The following ADH4 variants were observed in gnomAD, a reference collection of about 807,000 sequenced individuals.
The protein encoded by ADH4 is alcohol dehydrogenase 4 (class II), pi polypeptide.
A neutral mutation model predicts 35.2 loss-of-function variants in ADH4; 31 were observed. The observed-to-expected ratio is 0.88, with a 90% CI of 0.66 to 1.19. The LOEUF (loss-of-function observed/expected upper bound fraction) is 1.19. ADH4 is among the 50% of genes most tolerant of loss of function. The pLI, the probability that ADH4 is intolerant of heterozygous loss-of-function variation, is 0.00. For missense variants in ADH4, 476 were observed against 458.3 expected (o/e 1.04, Z -0.35); for synonymous variants, 171 against 160.2 (o/e 1.07, Z -0.51).
chr4:99,132,504 C>T (rs1008971702), intron 5 of ADH4, among the ~76,000 whole-genome samples: 2 of 121,014 alleles, frequency 1.7e-5, no homozygotes, highest in African/African-American at 6.4e-5. Flanking sequence ...AATTTATAAC[C>T]TGCCTTGATT....
chr4:99,131,583 G>A lies in ADH4; in HGVS notation c.764C>T (p.Pro255Leu), dbSNP rs772107528. The A allele has an allele frequency of 6.8e-6, 11 of 1,613,974 alleles. No homozygotes were observed. In the East Asian group the frequency reaches 1.3e-4, roughly 20 times the overall value. ...CAATTCAATGATAACTTCCTGGATC[G>A]GTTTATGTAAGTCTCTAGGATTGAG... is the stretch of plus-strand genomic sequence containing the variant. ...DCLNPRDLHK[P>L]IQEVIIELTK... Residue 255 changes from proline (P) to leucine (L), a missense_variant, in exon 6 of 9, where the codon CCG becomes CTG. Transcript: ENST00000265512.
chr4:99,128,377 G>C (rs28987098), intron 6 of ADH4, among the ~76,000 whole-genome samples: 2 of 152,026 alleles, frequency 1.3e-5, no homozygotes, highest in African/African-American at 4.8e-5. Context: ...TGGAGGTTGC[G>C]GTGAGCCAAA....
chr4:99,138,672 C>A (rs1729518924), intron 4 of ADH4, among the ~76,000 whole-genome samples: 1 of 152,172 alleles, frequency 6.6e-6, no homozygotes, highest in Admixed American at 6.5e-5. Context: ...GTATATGACA[C>A]TTTACTAAAT....
At chr4:99,124,745 C>T (rs528715182) in intron 8 of ADH4, among the ~76,000 whole-genome samples, 1 of 152,166 alleles carries the variant, frequency 6.6e-6, no homozygotes, top group Admixed American at 6.5e-5. Context: ...TTAGAATGTA[C>T]CAAGGAGGGA....
chr4:99,126,546 T>C, intron 8 of ADH4, 48 bp downstream of exon 8: 2 of 1,526,252 alleles, frequency 1.3e-6, no homozygotes, highest in Non-Finnish European at 1.8e-6. Flanking sequence ...GAAGATAGAA[T>C]CATTGTAAAC....
Position 99,126,721 on chromosome 4 carries a change from C to T in ADH4, c.991G>A (p.Val331Ile). 6.2e-7 allele frequency: 1 copy of T among 1,606,406 alleles called. No homozygotes were observed. Among genetic ancestry groups the T allele is most frequent in the African/African-American group, 1.3e-5 (1 of 74,986 alleles). Reference sequence around the variant, plus strand: ...GTGACCAGCTTTGGGATAGAATCTACACTTTTCCAACCTGTAATGTGGACA... The same window carrying T: ...GTGACCAGCTTTGGGATAGAATCTATACTTTTCCAACCTGTAATGTGGACA... ...NGTFFGGWKS[V>I]DSIPKLVTDY... is the part of the protein sequence containing the mutation. The change falls in exon 8 of 9, where the codon GTA (valine) becomes ATA (isoleucine). Residue 331 changes from valine (V) to isoleucine (I), a missense_variant. Transcript: ENST00000265512.
In ADH4 at chr4:99,127,244, A is replaced by G. The variant is rs748815612; in HGVS notation, c.944T>C (p.Ile315Thr). The G allele has an allele frequency of 7.4e-6, 12 of 1,611,470 alleles. No homozygotes were observed. In the South Asian group the frequency reaches 1.3e-4, roughly 18 times the overall value. The part of the protein sequence containing the change: ...KGLTIFPEEL[I>T]IGRTINGTFF... ...TGTTCCATTTATAGTACGGCCGATTATTAGCTCCTCTGGAAAAATAGTCAA... is the reference window on the plus strand; with the variant it reads ...TGTTCCATTTATAGTACGGCCGATTGTTAGCTCCTCTGGAAAAATAGTCAA... Residue 315 changes from isoleucine (I) to threonine (T), a missense_variant, in exon 7 of 9, where the codon ATA (isoleucine) becomes ACA (threonine). By Grantham distance (89) the Ile-to-Thr change is moderately conservative. Coordinates refer to ENST00000265512, the MANE Select transcript of ADH4 (RefSeq NM_000670.5).
At chr4:99,131,315 A>G (rs1729263553) in intron 6 of ADH4, among the ~76,000 whole-genome samples, 189 bp downstream of exon 6, 1 of 152,178 alleles carries the variant, frequency 6.6e-6, no homozygotes, top group South Asian at 2.1e-4. Context: ...TTGGGGGGAC[A>G]CATTCATGGG....
In ADH4 at chr4:99,131,742, GC is replaced by G. The variant is rs1265939171; in HGVS notation, c.604del (p.Ala202LeufsTer5). On this transcript the variant is annotated frameshift_variant, in exon 6 of 9. Coordinates refer to ENST00000265512, the MANE Select transcript of ADH4 (RefSeq NM_000670.5). LOFTEE classifies it high-confidence loss of function. ...ACCCACACCTCCTAGGCCAAAGACA[GC>G]ACAAGTCGAACCAGGGGTGACCTGC... is the stretch of plus-strand genomic sequence containing the variant. Reference protein sequence around the residue: ...NAKVTPGSTCAVFGLGGVGLS... With the variant: ...NAKVTPGSTCXVFGLGGVGLS... The G allele has an allele frequency of 1.2e-6, 2 of 1,613,892 alleles. No homozygotes were observed. Among genetic ancestry groups the G allele is most frequent in the East Asian group, 4.5e-5 (2 of 44,896 alleles).
chr4:99,125,150 A>C, intron 8 of ADH4, among the ~76,000 whole-genome samples: 1 of 151,896 alleles, frequency 6.6e-6, no homozygotes, highest in Non-Finnish European at 1.5e-5. Flanking sequence ...CCATCCCCCC[A>C]CTTCCTTGCT....
intron 5 of ADH4, among the ~76,000 whole-genome samples, chr4:99,134,828 C>T (rs1263327713): frequency 6.6e-6 from 1 of 150,674 alleles, no homozygotes; most frequent in African/African-American, 2.4e-5. Context: ...ACTTTGGTAT[C>T]TTGGCTACTA....
At chr4:99,136,081 G>A (rs561676703) in intron 5 of ADH4, among the ~76,000 whole-genome samples, 3 of 152,224 alleles carry the variant, frequency 2.0e-5, no homozygotes, top group East Asian at 3.9e-4. Context: ...TGTGAAGATG[G>A]AAGTGAGTTT....
rs745850704 is a variant in ADH4, at chr4:99,136,450, G to T, written c.582+16C>A. On this transcript the variant is annotated intron_variant, in intron 5 of 8. Transcript: ENST00000265512. ...AGTAACTTCTGTTTTACACAAACTGGTGTTTAACCATTTACCTTGGCATTG... is the reference window on the plus strand; with the variant it reads ...AGTAACTTCTGTTTTACACAAACTGTTGTTTAACCATTTACCTTGGCATTG... 64 of 1,603,050 alleles carry T rather than the reference G, an allele frequency of 4.0e-5. No homozygotes were observed. The highest frequency in any genetic ancestry group is 3.2e-4 in the Admixed American group (19 of 59,962).
At chr4:99,129,973 C>T (rs1729222459) in intron 6 of ADH4, among the ~76,000 whole-genome samples, 1 of 152,178 alleles carries the variant, frequency 6.6e-6, no homozygotes, top group Non-Finnish European at 1.5e-5. Context: ...TAAGGAGAAG[C>T]AGTCACACTA....
rs781679239 is a variant in ADH4 at position 99,124,472 on chromosome 4, A to T, written c.1119-6T>A. The T allele has an allele frequency of 5.5e-6, 8 of 1,451,772 alleles. No homozygotes were observed. Among genetic ancestry groups the T allele is most frequent in the South Asian group, 1.3e-5 (1 of 79,322 alleles). 89.9% of individuals were successfully genotyped at this position (1,451,772 alleles called of 1,614,324 possible). ...AGATGAGGATTGTTCGGACGCTGTT[A>T]ATAACAATAAAACATTAATAAGTAT... On this transcript the variant is annotated splice_region_variant and splice_polypyrimidine_tract_variant and intron_variant, in intron 8 of 8. Transcript: ENST00000265512.
chr4:99,139,250 A>G, intron 3 of ADH4, 102 bp from the exon 4 acceptor site: 1 of 710,154 alleles, frequency 1.4e-6, no homozygotes, highest in East Asian at 2.7e-5. Flanking sequence ...TATACATTTT[A>G]TATTCAGTGG....
At chr4:99,141,734 C>T (rs1471952261) in intron 2 of ADH4, 52 bp from the exon 3 acceptor site, 2 of 1,550,962 alleles carry the variant, frequency 1.3e-6, no homozygotes, top group Non-Finnish European at 8.8e-7. Flanking sequence ...TATTATTGGG[C>T]TGGATGTTAC....
At chr4:99,139,315 C>A (rs780799433) in intron 3 of ADH4, among the ~76,000 whole-genome samples, 167 bp from the exon 4 acceptor site, 1 of 152,148 alleles carries the variant, frequency 6.6e-6, no homozygotes, top group Admixed American at 6.5e-5. Context: ...GATTCCCCAA[C>A]GTATTGCATA....
chr4:99,136,814 A>G (rs1729449472), intron 4 of ADH4, 117 bp from the exon 5 acceptor site: 1 of 688,180 alleles, frequency 1.5e-6, no homozygotes, highest in African/African-American at 1.8e-5. Flanking sequence ...AATTTACAAG[A>G]CAGAAAAATT....
Sources: allele counts gnomAD v4.1 joint callset (sites outside exome capture counted in the v4.1 genomes callset), GRCh38; gene constraint gnomAD v4.1.1; transcripts MANE v1.5; gene names NCBI Gene and HGNC (gene_info 2026-07-23, HGNC 2026-07-21).